The following BAD variants were observed in gnomAD, a reference collection of about 807,000 sequenced individuals.
BAD encodes the protein BCL2 associated agonist of cell death, also known as bcl2-associated agonist of cell death.
Under a neutral mutation model 17.8 loss-of-function variants are expected in BAD, and 18 were observed. The observed-to-expected ratio is 1.01, with a 90% CI of 0.70 to 1.50. The LOEUF (loss-of-function observed/expected upper bound fraction) is 1.50. Ranked by LOEUF, BAD falls within the 40% of genes most tolerant of loss-of-function variation. BAD has a pLI of 0.00. For missense variants in BAD, 294 were observed against 239.3 expected (o/e 1.23, Z -1.51); for synonymous variants, 112 against 91.5 (o/e 1.22, Z -1.28).
At position 64,270,180 on chromosome 11, in the gene BAD, G is replaced by A. The variant is rs780953269; in HGVS notation, c.*29C>T. On this transcript the variant is annotated 3_prime_UTR_variant, in exon 4 of 4. Transcript: ENST00000309032. The stretch of plus-strand genomic sequence containing the variant: ...GATGGCTGCCCAGGGCAGTGGGAAC[G>A]GGTGGAGTTTCGGGATGTGGAGCGA... 4.3e-6 allele frequency: 7 copies of A among 1,613,962 alleles called. No homozygotes were observed. In the East Asian group the frequency reaches 8.9e-5, roughly 21 times the overall value.
Position 64,271,770 on chromosome 11 carries a change from CTGT to C in BAD, c.218_220del (p.His73_Ser74delinsArg). The C allele has an allele frequency of 7.1e-7, 1 of 1,402,186 alleles. No homozygotes were observed. The highest frequency in any genetic ancestry group is 9.3e-7 in the Non-Finnish European group (1 of 1,076,014). 86.9% of individuals were successfully genotyped at this position (1,402,186 alleles called of 1,614,324 possible). ...GTCCTCCGTCCCCGCGGGGTAGGAG[CTGT>C]GGCGACTCCGGATCTCCACAGCCCC... On this transcript the variant is annotated inframe_deletion, in exon 3 of 4. Coordinates refer to ENST00000309032, the MANE Select transcript of BAD (RefSeq NM_032989.3).
At chr11:64,270,695 T>A in intron 3 of BAD, 1 of 521,094 alleles carries the variant, frequency 1.9e-6, no homozygotes. Context: ...TTTGGGAGGT[T>A]GAAGCGGGAG....
chr11:64,269,913 A>T lies in BAD; in HGVS notation c.*296T>A, dbSNP rs1217316495. The stretch of plus-strand genomic sequence containing the variant: ...GCGGGGGCTCGGGTCCCGGTGACGC[A>T]ACGGTTAAACCTGGCTCGCGACTTA... On this transcript the variant is annotated 3_prime_UTR_variant, in exon 4 of 4. Coordinates refer to ENST00000309032, the MANE Select transcript of BAD (RefSeq NM_032989.3). The T allele has an allele frequency of 1.4e-6, 1 of 703,740 alleles. No individual in the cohort carries two copies. The highest frequency in any genetic ancestry group is 2.6e-6 in the Non-Finnish European group (1 of 388,598). The allele number at this position is 703,740 out of a possible 1,614,324, so 43.6% of individuals were successfully genotyped here. A position where few individuals can be genotyped will look rare whatever the true frequency, so the allele number is the denominator to read the frequency against.
In BAD at chr11:64,271,594, G is replaced by T; in HGVS notation, c.378+19C>A. ...GGCCTGGTACTTCAGGTCCTGGCAC[G>T]CTGGGGACTGGCGCTCACCTTAAAG... On this transcript the variant is annotated intron_variant, in intron 3 of 3. Transcript: ENST00000309032. 2 of 1,411,720 alleles carry T rather than the reference G, an allele frequency of 1.4e-6. No homozygotes were observed. The highest frequency in any genetic ancestry group is 9.2e-7 in the Non-Finnish European group (1 of 1,081,942). 87.4% of individuals were successfully genotyped at this position (1,411,720 alleles called of 1,614,324 possible). A position where few individuals can be genotyped will look rare whatever the true frequency, so the allele number is the denominator to read the frequency against.
intron 2 of BAD, among the ~76,000 whole-genome samples, chr11:64,283,008 C>G (rs372405871): frequency 6.6e-6 from 1 of 152,000 alleles, no homozygotes; most frequent in Non-Finnish European, 1.5e-5. Flanking sequence ...GAGCTGAGAT[C>G]GCACCTCTGT....
chr11:64,280,265 A>G (rs1235793593), intron 2 of BAD, among the ~76,000 whole-genome samples: 2 of 147,614 alleles, frequency 1.4e-5, no homozygotes, highest in Non-Finnish European at 3.0e-5. Flanking sequence ...GCTTGCAGTG[A>G]GCTGAGATGG....
At chr11:64,276,729 C>G in intron 2 of BAD, 1 of 582,632 alleles carries the variant, frequency 1.7e-6, no homozygotes, top group Non-Finnish European at 3.1e-6. Flanking sequence ...GGGCCTGGGC[C>G]AGACTCTCCC....
chr11:64,274,291 G>A (rs553497324), intron 2 of BAD, among the ~76,000 whole-genome samples: 138 of 152,250 alleles, frequency 9.1e-4, no homozygotes, highest in African/African-American at 3.2e-3. Flanking sequence ...GGAGGGTGAG[G>A]CAGGACAATG....
chr11:64,275,468 G>A (rs1272809442), intron 2 of BAD, among the ~76,000 whole-genome samples: 1 of 152,180 alleles, frequency 6.6e-6, no homozygotes, highest in Non-Finnish European at 1.5e-5. Flanking sequence ...AATGGGGGCA[G>A]TTCCCCATCT....
At chr11:64,270,609 T>C (rs1401714033) in intron 3 of BAD, 4 of 671,110 alleles carry the variant, frequency 6.0e-6, no homozygotes, top group Non-Finnish European at 1.1e-5. Flanking sequence ...GCTGGAGACC[T>C]AGCACCCAGA....
In BAD at chr11:64,270,262, G is replaced by A. The variant is rs1383607911; in HGVS notation, c.454C>T (p.Gln152Ter). The A allele has an allele frequency of 6.3e-7, 1 of 1,596,556 alleles. No homozygotes were observed. The highest frequency in any genetic ancestry group is 8.6e-7 in the Non-Finnish European group (1 of 1,167,346). ...RQSSSWTRVF[Q>*]SWWDRNLGRG... ...CCCAAGTTCCGATCCCACCAGGACT[G>A]GAAGACTCGCGTCCAGCTGGAGCTT... Residue 152 changes from glutamine (Q) to a stop codon, truncating the protein, a stop_gained, in exon 4 of 4, where the codon CAG becomes TAG. Coordinates refer to ENST00000309032, the MANE Select transcript of BAD (RefSeq NM_032989.3). LOFTEE classifies it high-confidence loss of function.
In BAD at chr11:64,284,623, G is replaced by A. The variant is rs1219148113; in HGVS notation, c.-9+8C>T. ...GCCCCGCCCGTGGTGACGGCGCACA[G>A]GTCTCACCCCAAGCCCGATCTCGAG... On this transcript the variant is annotated splice_region_variant and intron_variant, in intron 1 of 3. Coordinates refer to ENST00000309032, the MANE Select transcript of BAD (RefSeq NM_032989.3). 4.6e-6 allele frequency: 7 copies of A among 1,521,416 alleles called. No homozygotes were observed. The highest frequency in any genetic ancestry group is 6.1e-6 in the Non-Finnish European group (7 of 1,139,886). 94.2% of individuals were successfully genotyped at this position (1,521,416 alleles called of 1,614,324 possible). A position where few individuals can be genotyped will look rare whatever the true frequency, so the allele number is the denominator to read the frequency against.
chr11:64,281,845 C>T (rs1211963690), intron 2 of BAD, among the ~76,000 whole-genome samples: 4 of 152,144 alleles, frequency 2.6e-5, no homozygotes, highest in African/African-American at 7.2e-5. Context: ...CTCAGCCTCC[C>T]GAGTAGCTGG....
At chr11:64,279,435 A>T (rs887462525) in intron 2 of BAD, among the ~76,000 whole-genome samples, 4 of 152,106 alleles carry the variant, frequency 2.6e-5, no homozygotes, top group African/African-American at 9.7e-5. Flanking sequence ...GCCAGCTCCC[A>T]CTAGCACCCT....
At position 64,284,274 on chromosome 11, in the gene BAD, G is replaced by C. The variant is rs770729654; in HGVS notation, c.95C>G (p.Ser32Ter). 20 of 1,611,528 alleles carry C rather than the reference G, an allele frequency of 1.2e-5. No homozygotes were observed. The highest frequency in any genetic ancestry group is 1.4e-5 in the Non-Finnish European group (17 of 1,179,904). Residue 32 changes from serine (S) to a stop codon, truncating the protein, a stop_gained, in exon 2 of 4, where the codon TCA becomes TGA. Transcript: ENST00000309032. LOFTEE classifies it high-confidence loss of function. Reference sequence around the variant, plus strand: ...CTGGCGATGATGCTTGCCGGAGCCTGAGGGCCCGTCCCCTGCGGGGCTGGG... The same window carrying C: ...CTGGCGATGATGCTTGCCGGAGCCTCAGGGCCCGTCCCCTGCGGGGCTGGG... ...LGPSPAGDGP[S>*]GSGKHHRQAP...
At chr11:64,271,487 A>G in intron 3 of BAD, 126 bp downstream of exon 3, 1 of 994,850 alleles carries the variant, frequency 1.0e-6, no homozygotes, top group Non-Finnish European at 1.3e-6. Flanking sequence ...CTAGGAAGGA[A>G]CAGGACGGCT....
chr11:64,283,723 A>G (rs1210911517), intron 2 of BAD, among the ~76,000 whole-genome samples: 1 of 152,220 alleles, frequency 6.6e-6, no homozygotes, highest in African/African-American at 2.4e-5. Flanking sequence ...GGCCTTAGGC[A>G]GGCCCCTTTT....
rs374617115 is a variant in BAD at position 64,270,266 on chromosome 11, G to A, written c.450C>T (p.Val150=). Residue 150 remains valine (V), a synonymous_variant, in exon 4 of 4, where the codon GTC becomes GTT. Coordinates refer to ENST00000309032, the MANE Select transcript of BAD (RefSeq NM_032989.3). ...QMRQSSSWTR[V]FQSWWDRNLG... is the part of the protein sequence containing the mutation. ...AGTTCCGATCCCACCAGGACTGGAA[G>A]ACTCGCGTCCAGCTGGAGCTTTGCC... is the stretch of plus-strand genomic sequence containing the variant. The A allele has an allele frequency of 1.3e-6, 2 of 1,596,716 alleles. No homozygotes were observed. Among genetic ancestry groups the A allele is most frequent in the Non-Finnish European group, 1.7e-6 (2 of 1,167,336 alleles).
At chr11:64,274,070 G>A (rs970962893) in intron 2 of BAD, among the ~76,000 whole-genome samples, 1 of 152,104 alleles carries the variant, frequency 6.6e-6, no homozygotes, top group Non-Finnish European at 1.5e-5. Context: ...GTCCCAGCTA[G>A]GACACATAAA....
Sources: gnomAD v4.1 joint callset for allele counts (sites outside exome capture counted in the v4.1 genomes callset) on GRCh38, gnomAD v4.1.1 for gene constraint, MANE v1.5 for transcripts, NCBI Gene and HGNC (gene_info 2026-07-23, HGNC 2026-07-21) for gene names.